The following ZBTB7C variants were observed in gnomAD, a reference collection of about 807,000 sequenced individuals.
The protein encoded by ZBTB7C is zinc finger and BTB domain-containing protein 7C.
ZBTB7C carries 8 observed loss-of-function variants against 25.7 expected under a neutral mutation model. The ratio of observed to expected loss-of-function variants is 0.31; its 90% CI spans 0.18 to 0.56. The LOEUF is 0.56. Ranked by LOEUF, ZBTB7C falls within the 20% of genes least tolerant of loss-of-function variation. The pLI, the probability that ZBTB7C is intolerant of heterozygous loss-of-function variation, is 0.91. For synonymous variants in ZBTB7C, 394 were observed against 369.0 expected, an observed-to-expected ratio of 1.07 and a Z score of -0.78; for missense variants, 824 against 855.2, an observed-to-expected ratio of 0.96 and a Z score of 0.46.
intron 3 of ZBTB7C, among the ~76,000 whole-genome samples, chr18:48,135,113 T>C (rs1178928708): frequency 6.6e-6 from 1 of 152,098 alleles, no homozygotes; most frequent in East Asian, 1.9e-4. Context: ...CATCCAACCC[T>C]TTGAGGGTTG....
chr18:48,319,278 A>C (rs1447216918), intron 2 of ZBTB7C, among the ~76,000 whole-genome samples: 1 of 152,122 alleles, frequency 6.6e-6, no homozygotes, highest in Non-Finnish European at 1.5e-5. Flanking sequence ...CTGGAGCCAC[A>C]CACACTGTGT....
At chr18:48,100,005 A>C (rs544862610) in intron 3 of ZBTB7C, among the ~76,000 whole-genome samples, 2 of 152,244 alleles carry the variant, frequency 1.3e-5, no homozygotes, top group African/African-American at 4.8e-5. Flanking sequence ...CCACTCCTGG[A>C]GTGGGGCACC....
chr18:48,136,881 G>C (rs111348927), intron 3 of ZBTB7C: 152,498 of 824,652 alleles, frequency 0.18, 14,899 homozygotes, highest in South Asian at 0.25. Flanking sequence ...TAGCGAGAAT[G>C]CCCGCAGCGC....
At chr18:48,388,113 C>A (rs1363085851) in intron 1 of ZBTB7C, among the ~76,000 whole-genome samples, 1 of 152,190 alleles carries the variant, frequency 6.6e-6, no homozygotes, top group Non-Finnish European at 1.5e-5. Flanking sequence ...AGGCGTTAGC[C>A]ACTGCACCTG....
rs150873953 is a variant in ZBTB7C, at chr18:48,216,345, G to A, written c.-78-30350C>T. Reference sequence around the variant, plus strand: ...GGCATCAGAGAAGCCTGAGGGGGTAGAAAATGCAGTCTCTGGTCTCTGAGG... The same window carrying A: ...GGCATCAGAGAAGCCTGAGGGGGTAAAAAATGCAGTCTCTGGTCTCTGAGG... On this transcript the variant is annotated intron_variant, in intron 2 of 4. Transcript: ENST00000590800. Among the ~76,000 whole-genome samples the A allele has an allele frequency of 1.7e-4, 26 of 152,292 alleles. No individual in the cohort carries two copies. In the East Asian group the frequency reaches 4.8e-3, roughly 28 times the overall value.
chr18:48,053,659 A>G lies in ZBTB7C; in HGVS notation c.-16-12536T>C, dbSNP rs994536325. ...TAAGCAGTCAGGTTCCGGGTTTCCT[A>G]AGCAGTCTGCAACTGTCTCTCTCAG... On this transcript the variant is annotated intron_variant, in intron 3 of 4. Coordinates refer to ENST00000590800, the MANE Select transcript of ZBTB7C (RefSeq NM_001318841.2). Among the ~76,000 whole-genome samples, 41 of 152,170 alleles carry G rather than the reference A, an allele frequency of 2.7e-4. 1 individual carries two copies. Among genetic ancestry groups the G allele is most frequent in the African/African-American group, 9.9e-4 (41 of 41,432 alleles).
intron 1 of ZBTB7C, among the ~76,000 whole-genome samples, chr18:48,339,626 C>T (rs1199494775): frequency 1.3e-5 from 2 of 152,116 alleles, no homozygotes; most frequent in Admixed American, 1.3e-4. Context: ...AGGTTAATTT[C>T]ATCTTCCTTC....
intron 2 of ZBTB7C, among the ~76,000 whole-genome samples, chr18:48,256,091 T>C (rs1224732675): frequency 1.3e-5 from 2 of 152,188 alleles, no homozygotes; most frequent in East Asian, 3.9e-4. Flanking sequence ...ATAAAGTATT[T>C]GAAAAGATAA....
chr18:48,410,005 C>T (rs1211432105), upstream of ZBTB7C, among the ~76,000 whole-genome samples: 1 of 124,364 alleles, frequency 8.0e-6, no homozygotes, highest in Non-Finnish European at 1.6e-5. Flanking sequence ...ATGGGCTCTG[C>T]CGACCCGGGG....
chr18:48,251,890 C>A (rs939028996), intron 2 of ZBTB7C, among the ~76,000 whole-genome samples: 1 of 152,160 alleles, frequency 6.6e-6, no homozygotes, highest in African/African-American at 2.4e-5. Flanking sequence ...GGAGAGAGAG[C>A]TATTCTCTTT....
chr18:48,326,796 G>A (rs1035140178), intron 2 of ZBTB7C, among the ~76,000 whole-genome samples: 1 of 152,198 alleles, frequency 6.6e-6, no homozygotes, highest in African/African-American at 2.4e-5. Flanking sequence ...GGGGACAACA[G>A]GGGCAGGGAT....
chr18:48,401,098 C>T (rs2048146813), intron 1 of ZBTB7C, among the ~76,000 whole-genome samples: 1 of 152,192 alleles, frequency 6.6e-6, no homozygotes, highest in South Asian at 2.1e-4. Context: ...TAGCACCCCT[C>T]AAGTGGTGCT....
chr18:48,130,726 A>C (rs1249270039), intron 3 of ZBTB7C, among the ~76,000 whole-genome samples: 1 of 152,152 alleles, frequency 6.6e-6, no homozygotes, highest in African/African-American at 2.4e-5. Flanking sequence ...ATCTCTGTGG[A>C]GAACACCAGC....
At chr18:48,212,078 G>A (rs1348512808) in intron 2 of ZBTB7C, among the ~76,000 whole-genome samples, 1 of 152,206 alleles carries the variant, frequency 6.6e-6, no homozygotes, top group Non-Finnish European at 1.5e-5. Flanking sequence ...AGTCTGGCCA[G>A]GCGCAGTGGC....
At chr18:48,322,270 G>A (rs2046113962) in intron 2 of ZBTB7C, among the ~76,000 whole-genome samples, 1 of 152,106 alleles carries the variant, frequency 6.6e-6, no homozygotes, top group African/African-American at 2.4e-5. Flanking sequence ...GGAGAGGAAG[G>A]GAGGCTGTCC....
At position 48,229,971 on chromosome 18, in the gene ZBTB7C, A is replaced by T. The variant is rs370094815; in HGVS notation, c.-78-43976T>A. ...GGCTGCCTGGGAGGCAGCCACCCCC[A>T]CCTCCCTCCCTCCTGCCCAGTGAGG... On this transcript the variant is annotated intron_variant, in intron 2 of 4. Coordinates refer to ENST00000590800, the MANE Select transcript of ZBTB7C (RefSeq NM_001318841.2). Among the ~76,000 whole-genome samples, 8 of 151,964 alleles carry T rather than the reference A, an allele frequency of 5.3e-5. No individual in the cohort carries two copies. The East Asian group carries it at 1.5e-3, about 29-fold the overall frequency.
At chr18:48,151,088 G>C (rs1030251183) in intron 3 of ZBTB7C, among the ~76,000 whole-genome samples, 1 of 152,194 alleles carries the variant, frequency 6.6e-6, no homozygotes, top group African/African-American at 2.4e-5. Context: ...TGATCGGTGT[G>C]GCCTTGCTGG....
intron 3 of ZBTB7C, among the ~76,000 whole-genome samples, chr18:48,181,266 C>T (rs1015111317): frequency 1.3e-5 from 2 of 152,128 alleles, no homozygotes; most frequent in African/African-American, 4.8e-5. Context: ...ACACTCTATC[C>T]CCTTGCTCTC....
intron 3 of ZBTB7C, among the ~76,000 whole-genome samples, chr18:48,154,747 C>T (rs2040783740): frequency 6.6e-6 from 1 of 152,158 alleles, no homozygotes; most frequent in South Asian, 2.1e-4. Context: ...TCGCCCTCAC[C>T]CTCCATCCCA....
Sources: gnomAD v4.1 joint callset for allele counts (sites outside exome capture counted in the v4.1 genomes callset) on GRCh38, gnomAD v4.1.1 for gene constraint, MANE v1.5 for transcripts, NCBI Gene and HGNC (gene_info 2026-07-23, HGNC 2026-07-21) for gene names.